Variants in CELSR1 observed in about 807,000 individuals in gnomAD.
CELSR1 encodes adhesion G protein-coupled receptor C1.
Under a neutral mutation model 249.1 loss-of-function variants are expected in CELSR1, and 110 were observed. The observed-to-expected ratio is 0.44, with a 90% CI of 0.38 to 0.52. CELSR1 has a LOEUF of 0.52. Ranked by LOEUF, CELSR1 falls within the 20% of genes least tolerant of loss-of-function variation. The pLI, the probability that CELSR1 is intolerant of heterozygous loss-of-function variation, is 0.00. For missense variants in CELSR1, 4,109 were observed against 4,296.4 expected (o/e 0.96, Z 1.22); for synonymous variants, 2,113 against 1,900.0 (o/e 1.11, Z -2.92).
At chr22:46,452,889 C>T (rs2079902553) in intron 2 of CELSR1, among the ~76,000 whole-genome samples, 1 of 152,252 alleles carries the variant, frequency 6.6e-6, no homozygotes, top group African/African-American at 2.4e-5. Context: ...CCCTCCAGGC[C>T]TCAGTAGTTG....
rs1310141812 is a variant in CELSR1, at chr22:46,401,240, TG to T, written c.5227-1339del. On this transcript the variant is annotated intron_variant, in intron 9 of 34. Coordinates refer to ENST00000674500, the MANE Select transcript of CELSR1 (RefSeq NM_001378328.1). The surrounding 1 kb of genome is among the most constrained non-coding windows in gnomAD (Gnocchi z 4.7). ...AAAAAACAAAAATCAGCATTGCAAC[TG>T]GCCTAAAACACTCATATTTTAAAAT... Among the ~76,000 whole-genome samples, 1 of 152,186 alleles carries T rather than the reference TG, an allele frequency of 6.6e-6. No individual in the cohort carries two copies. The highest frequency in any genetic ancestry group is 1.5e-5 in the Non-Finnish European group (1 of 68,038).
In CELSR1 at chr22:46,386,599, C is replaced by T. The variant is rs774900636; in HGVS notation, c.6556-14G>A. On this transcript the variant is annotated splice_polypyrimidine_tract_variant and intron_variant, in intron 18 of 34. Transcript: ENST00000674500. ...GTGGATGACGTCCTGGTCAGACAGA[C>T]AGCACTCAGTACTCAGCCTGCGGAG... The T allele has an allele frequency of 6.3e-7, 1 of 1,577,694 alleles. No individual in the cohort carries two copies. Among genetic ancestry groups the T allele is most frequent in the Non-Finnish European group, 8.6e-7 (1 of 1,169,230 alleles).
chr22:46,420,004 C>T (rs923345821), intron 5 of CELSR1, among the ~76,000 whole-genome samples: 1 of 151,546 alleles, frequency 6.6e-6, no homozygotes, highest in Non-Finnish European at 1.5e-5. Flanking sequence ...CAATCATGTG[C>T]ATACTCAAAA....
At chr22:46,460,503 G>A (rs2080012866) in intron 2 of CELSR1, among the ~76,000 whole-genome samples, 1 of 152,166 alleles carries the variant, frequency 6.6e-6, no homozygotes, top group African/African-American at 2.4e-5. Flanking sequence ...ACGGAACAGG[G>A]CCCTGTGTCT....
intron 5 of CELSR1, among the ~76,000 whole-genome samples, chr22:46,425,427 T>G (rs1218367868): frequency 6.6e-6 from 1 of 152,256 alleles, no homozygotes; most frequent in Non-Finnish European, 1.5e-5. Flanking sequence ...ATTTCCTTTT[T>G]GGGAATGTTA....
chr22:46,395,921 G>A lies in CELSR1; in HGVS notation c.5843+684C>T, dbSNP rs150575490. ...CTGCTGCCTGTCCTAACCACACTAG[G>A]ATCTCCGCACACATCAGAAATGACT... On this transcript the variant is annotated intron_variant, in intron 13 of 34. Coordinates refer to ENST00000674500, the MANE Select transcript of CELSR1 (RefSeq NM_001378328.1). The surrounding 1 kb of genome is among the most constrained non-coding windows in gnomAD (Gnocchi z 5.5). 4.7e-3 allele frequency among the ~76,000 whole-genome samples: 720 copies of A among 152,272 alleles called. 2 individuals carry two copies. Among genetic ancestry groups the A allele is most frequent in the Non-Finnish European group, 7.5e-3 (512 of 68,012 alleles).
intron 2 of CELSR1, among the ~76,000 whole-genome samples, chr22:46,460,037 T>A (rs2080003264): frequency 6.6e-6 from 1 of 151,946 alleles, no homozygotes; most frequent in African/African-American, 2.4e-5. Flanking sequence ...CGAAACCCAG[T>A]CTCTACTAAA....
intron 2 of CELSR1, among the ~76,000 whole-genome samples, chr22:46,443,671 AC>A (rs2079782425): frequency 6.6e-6 from 1 of 152,026 alleles, no homozygotes; most frequent in South Asian, 2.1e-4. Flanking sequence ...ACACACACAC[AC>A]ATACATACAC....
At chr22:46,462,254 G>A (rs372763608) in intron 2 of CELSR1, among the ~76,000 whole-genome samples, 2 of 152,228 alleles carry the variant, frequency 1.3e-5, no homozygotes, top group Admixed American at 6.5e-5. Flanking sequence ...GGAACACCAC[G>A]GGGCAGGTGA....
In CELSR1 at chr22:46,439,225, C is replaced by T. The variant is rs754000718; in HGVS notation, c.4370G>A (p.Gly1457Asp). The change falls in exon 3 of 35, where the codon GGC (glycine) becomes GAC (aspartate). Residue 1457 changes from glycine (G) to aspartate (D), a missense_variant. Physicochemically the swap from Gly to Asp is moderately conservative, Grantham distance 94 (BLOSUM62 -1). This residue lies in a region of CELSR1 where 453 missense variants were observed against 492.0 expected (regional missense o/e 0.92). Coordinates refer to ENST00000674500, the MANE Select transcript of CELSR1 (RefSeq NM_001378328.1). Reference protein sequence around the residue: ...FPPQSFVTFRGLRQRFHFTIS... With the variant: ...FPPQSFVTFRDLRQRFHFTIS... ...GGTGAAGTGGAAGCGCTGTCTCAGG[C>T]CCCGGAAGGTGACGAAGGACTGGGG... is the stretch of plus-strand genomic sequence containing the variant. 1.2e-6 allele frequency: 2 copies of T among 1,614,076 alleles called. No individual in the cohort carries two copies. Among genetic ancestry groups the T allele is most frequent in the South Asian group, 1.1e-5 (1 of 91,078 alleles).
In CELSR1 at chr22:46,412,143, C is replaced by T. The variant is rs1225001302; in HGVS notation, c.4612-384G>A. 2.6e-5 allele frequency among the ~76,000 whole-genome samples: 4 copies of T among 152,180 alleles called. No individual in the cohort carries two copies. The highest frequency in any genetic ancestry group is 9.7e-5 in the African/African-American group (4 of 41,442). On this transcript the variant is annotated intron_variant, in intron 5 of 34. Transcript: ENST00000674500. The surrounding 1 kb of genome is among the most constrained non-coding windows in gnomAD (Gnocchi z 4.5). Reference sequence around the variant, plus strand: ...ACCGCGGAGGCAGCTGCTGGAGCAGCTGTTTACAAGCCAAGGGCCACCTGG... The same window carrying T: ...ACCGCGGAGGCAGCTGCTGGAGCAGTTGTTTACAAGCCAAGGGCCACCTGG...
rs934982408 is a variant in CELSR1, at chr22:46,393,957, G to C, written c.5964+185C>G. Among the ~76,000 whole-genome samples the C allele has an allele frequency of 6.6e-6, 1 of 152,222 alleles. No individual in the cohort carries two copies. Among genetic ancestry groups the C allele is most frequent in the Admixed American group, 6.5e-5 (1 of 15,278 alleles). ...CAGCCATGGAGTATTCACAGAGCAC[G>C]GGGGAGCAGCAAGGAAACCAAAAAC... On this transcript the variant is annotated intron_variant, in intron 14 of 34. Coordinates refer to ENST00000674500, the MANE Select transcript of CELSR1 (RefSeq NM_001378328.1). This position sits in a 1 kb window ranked among gnomAD's most constrained non-coding sequence, Gnocchi z 4.1.
At position 46,390,531 on chromosome 22, in the gene CELSR1, T is replaced by C. The variant is rs1344661447; in HGVS notation, c.6251-45A>G. On this transcript the variant is annotated intron_variant, in intron 16 of 34. Coordinates refer to ENST00000674500, the MANE Select transcript of CELSR1 (RefSeq NM_001378328.1). This position sits in a 1 kb window ranked among gnomAD's most constrained non-coding sequence, Gnocchi z 6.3. ...GTGCAAAGCCTGAAACTCAAACTGT[T>C]GATCAATGCTTGTGTATTTCAATCC... 1 of 1,438,170 alleles carries C rather than the reference T, an allele frequency of 7.0e-7. No homozygotes were observed. The highest frequency in any genetic ancestry group is 1.4e-5 in the African/African-American group (1 of 71,282). The allele number at this position is 1,438,170 out of a possible 1,614,324, so 89.1% of individuals were successfully genotyped here.
chr22:46,390,587 T>C lies in CELSR1; in HGVS notation c.6251-101A>G, dbSNP rs868820414. 14 of 968,388 alleles carry C rather than the reference T, an allele frequency of 1.4e-5. No individual in the cohort carries two copies. The highest frequency in any genetic ancestry group is 4.3e-4 in the Middle Eastern group (2 of 4,694). 60.0% of individuals were successfully genotyped at this position (968,388 alleles called of 1,614,324 possible). On this transcript the variant is annotated intron_variant, in intron 16 of 34. Coordinates refer to ENST00000674500, the MANE Select transcript of CELSR1 (RefSeq NM_001378328.1). This position sits in a 1 kb window ranked among gnomAD's most constrained non-coding sequence, Gnocchi z 6.3. ...CTGAATATACTTAAACCCAGAACAC[T>C]GCGTGGTGGTTAGAACCCCATGGGG... is the stretch of plus-strand genomic sequence containing the variant.
rs74427833 is a variant in CELSR1, at chr22:46,381,390, A to G, written c.7089-435T>C. ...GAAGTATCTGGGAAATGGCAGGAAG[A>G]AGGAGGGCGGAGCCTTGGGCTGCTC... On this transcript the variant is annotated intron_variant, in intron 21 of 34. Coordinates refer to ENST00000674500, the MANE Select transcript of CELSR1 (RefSeq NM_001378328.1). This position sits in a 1 kb window ranked among gnomAD's most constrained non-coding sequence, Gnocchi z 6.0. Among the ~76,000 whole-genome samples, 5,593 of 152,226 alleles carry G rather than the reference A, an allele frequency of 0.037. 140 individuals are homozygous for G. The highest frequency in any genetic ancestry group is 0.058 in the Non-Finnish European group (3,918 of 67,978).
chr22:46,402,510 C>T lies in CELSR1; in HGVS notation c.5227-2608G>A, dbSNP rs966923107. ...GGGATTACAGGCATGAGCCACTGCA[C>T]CTGGCCCCCATTCTAGTTTCAAATG... On this transcript the variant is annotated intron_variant, in intron 9 of 34. Transcript: ENST00000674500. This position sits in a 1 kb window ranked among gnomAD's most constrained non-coding sequence, Gnocchi z 5.0. Among the ~76,000 whole-genome samples, 13 of 152,204 alleles carry T rather than the reference C, an allele frequency of 8.5e-5. No individual in the cohort carries two copies. Among genetic ancestry groups the T allele is most frequent in the African/African-American group, 3.1e-4 (13 of 41,448 alleles).
chr22:46,386,746 T>G (rs539270785), intron 18 of CELSR1, among the ~76,000 whole-genome samples, 161 bp from the exon 19 acceptor site: 4,553 of 152,182 alleles, frequency 0.03, 226 homozygotes, highest in African/African-American at 0.1. Flanking sequence ...TTTTTTGTTT[T>G]TTGTTGTTTT....
At chr22:46,377,430 C>T in intron 23 of CELSR1, 169 bp from the exon 24 acceptor site, 1 of 701,562 alleles carries the variant, frequency 1.4e-6, no homozygotes, top group Non-Finnish European at 2.4e-6. Context: ...TGGAACTGCC[C>T]CTCCTGAGGC....
At position 46,465,282 on chromosome 22, in the gene CELSR1, G is replaced by A. The variant is rs142555488; in HGVS notation, c.3545-937C>T. The stretch of plus-strand genomic sequence containing the variant: ...AGTCCAGGTCCTCCAGGCCTGGCTC[G>A]GATTCTGTGTTCCAGGAGCCCCCAC... On this transcript the variant is annotated intron_variant, in intron 1 of 34. Transcript: ENST00000674500. Among the ~76,000 whole-genome samples the A allele has an allele frequency of 7.4e-3, 1,090 of 147,338 alleles. 12 individuals carry two copies. Among genetic ancestry groups the A allele is most frequent in the African/African-American group, 0.026 (1,024 of 39,838 alleles).
Sources: allele counts gnomAD v4.1 joint callset (sites outside exome capture counted in the v4.1 genomes callset), GRCh38; gene constraint gnomAD v4.1.1; regional missense constraint gnomAD v4.1.1; non-coding constraint Gnocchi (gnomAD v3.1); transcripts MANE v1.5; gene names NCBI Gene and HGNC (gene_info 2026-07-23, HGNC 2026-07-21).